The following FGF12 variants were observed in gnomAD, a reference collection of about 807,000 sequenced individuals.
FGF12 encodes the protein fibroblast growth factor 12, also known as fibroblast growth factor 12B.
A neutral mutation model predicts 23.6 loss-of-function variants in FGF12; 14 were observed. The ratio of observed to expected loss-of-function variants is 0.59; its 90% CI spans 0.39 to 0.93. The LOEUF is 0.93. Ranked by LOEUF, FGF12 falls within the 40% of genes least tolerant of loss-of-function variation. The probability of loss-of-function intolerance (pLI) is 0.00; values close to 1 mark genes in which losing one functional copy is unlikely to be tolerated. For missense variants in FGF12, 175 were observed against 217.8 expected (o/e 0.80, Z 1.24); for synonymous variants, 62 against 77.3 (o/e 0.80, Z 1.04).
At chr3:192,245,900 A>G (rs1427510809) in intron 4 of FGF12, among the ~76,000 whole-genome samples, 2 of 152,208 alleles carry the variant, frequency 1.3e-5, no homozygotes, top group Non-Finnish European at 2.9e-5. Flanking sequence ...ATGCTAAAAG[A>G]CTGAATAAAT....
chr3:192,654,313 G>A (rs1716317615), intron 2 of FGF12, among the ~76,000 whole-genome samples: 1 of 152,056 alleles, frequency 6.6e-6, no homozygotes, highest in Admixed American at 6.6e-5. Flanking sequence ...GTGTCACACA[G>A]GACAGCAGAA....
chr3:192,331,311 CAAAAAAAAA>C (rs201997868), intron 4 of FGF12, among the ~76,000 whole-genome samples: 13,515 of 96,172 alleles, frequency 0.14, 1,089 homozygotes, highest in African/African-American at 0.27. Context: ...GGAGTTTTCT[CAAAAAAAAA>C]AAAAAAAAAA....
intron 2 of FGF12, among the ~76,000 whole-genome samples, chr3:192,430,087 C>T (rs929039426): frequency 3.9e-5 from 6 of 152,008 alleles, no homozygotes; most frequent in Non-Finnish European, 8.8e-5. Context: ...ATGTTCATAG[C>T]AGCATATTCA....
chr3:192,290,637 G>C lies in FGF12; in HGVS notation c.228+44724C>G, dbSNP rs115723342. Among the ~76,000 whole-genome samples, 538 of 152,248 alleles carry C rather than the reference G, an allele frequency of 3.5e-3. 1 individual carries two copies. Among genetic ancestry groups the C allele is most frequent in the African/African-American group, 0.013 (532 of 41,546 alleles). ...TTCATTTGCCCAAGTTGTGCTGCTCGTGAGTAGCAGGGATGGGACTTGACC... is the reference window on the plus strand; with the variant it reads ...TTCATTTGCCCAAGTTGTGCTGCTCCTGAGTAGCAGGGATGGGACTTGACC... On this transcript the variant is annotated intron_variant, in intron 4 of 5. Coordinates refer to ENST00000445105, the MANE Select transcript of FGF12 (RefSeq NM_004113.6).
chr3:192,381,832 C>T (rs150976062), intron 2 of FGF12, among the ~76,000 whole-genome samples: 1 of 152,116 alleles, frequency 6.6e-6, no homozygotes, highest in East Asian at 1.9e-4. Context: ...GTTCAGAGAC[C>T]AAGAGTCTGG....
chr3:192,194,418 T>C (rs1659498560), intron 4 of FGF12, among the ~76,000 whole-genome samples: 4 of 152,174 alleles, frequency 2.6e-5, no homozygotes, highest in African/African-American at 9.7e-5. Flanking sequence ...ATTTCTCCAC[T>C]TACAAAATGA....
At chr3:192,407,900 A>T in intron 2 of FGF12, 1 of 1,067,290 alleles carries the variant, frequency 9.4e-7, no homozygotes, top group Non-Finnish European at 1.3e-6. Flanking sequence ...TCTGGAAATG[A>T]GAGAAGAGGG....
chr3:192,727,417 G>C (rs1031758441), intron 1 of FGF12, 67 bp downstream of exon 1: 281 of 1,338,968 alleles, frequency 2.1e-4, no homozygotes, highest in Non-Finnish European at 2.7e-4. Context: ...GGGATACGTT[G>C]CGACGCGCAT....
chr3:192,703,337 C>T (rs1333829610), intron 2 of FGF12, among the ~76,000 whole-genome samples: 1 of 152,162 alleles, frequency 6.6e-6, no homozygotes, highest in African/African-American at 2.4e-5. Flanking sequence ...AAATAATGTA[C>T]ACACCTTAAT....
chr3:192,699,745 T>C (rs1297320608), intron 2 of FGF12, among the ~76,000 whole-genome samples: 1 of 152,178 alleles, frequency 6.6e-6, no homozygotes. Context: ...ACTCAGTAAG[T>C]ATTCAGAAGT....
intron 2 of FGF12, among the ~76,000 whole-genome samples, chr3:192,636,053 C>T (rs150326615): frequency 6.6e-6 from 1 of 152,298 alleles, no homozygotes; most frequent in Non-Finnish European, 1.5e-5. Flanking sequence ...GAGACTGAGA[C>T]AGGGAGCTGG....
chr3:192,387,171 A>G (rs1720081391), intron 2 of FGF12, among the ~76,000 whole-genome samples: 2 of 152,188 alleles, frequency 1.3e-5, no homozygotes, highest in African/African-American at 4.8e-5. Context: ...GTGAATCACA[A>G]TGTTCCCTGG....
At chr3:192,157,719 A>C (rs1030876871) in intron 5 of FGF12, among the ~76,000 whole-genome samples, 1 of 152,218 alleles carries the variant, frequency 6.6e-6, no homozygotes, top group Non-Finnish European at 1.5e-5. Context: ...TCTTAAAAGT[A>C]TGAAAAAAGT....
At chr3:192,707,946 T>TATC (rs1718529816) in intron 2 of FGF12, among the ~76,000 whole-genome samples, 1 of 151,566 alleles carries the variant, frequency 6.6e-6, no homozygotes, top group East Asian at 1.9e-4. Context: ...TAGCATCCAT[T>TATC]ATTATTATTA....
chr3:192,443,015 G>C (rs1403090055), intron 2 of FGF12, among the ~76,000 whole-genome samples: 1 of 152,018 alleles, frequency 6.6e-6, no homozygotes. Flanking sequence ...CACCATCTTG[G>C]CCAGGCTGGT....
At chr3:192,629,160 G>T (rs914848190) in intron 2 of FGF12, among the ~76,000 whole-genome samples, 6 of 152,200 alleles carry the variant, frequency 3.9e-5, no homozygotes, top group African/African-American at 1.4e-4. Context: ...GAAAGACAAA[G>T]AATTAATTTG....
intron 5 of FGF12, among the ~76,000 whole-genome samples, chr3:192,158,332 C>CTTTCTTTT (rs1459698854): frequency 0.013 from 1,505 of 112,432 alleles, 53 homozygotes; most frequent in African/African-American, 0.051. Context: ...TTCTTTCTTT[C>CTTTCTTTT]TCTTTCTTTC....
chr3:192,164,954 T>G (rs1715079622), intron 5 of FGF12, among the ~76,000 whole-genome samples: 1 of 152,102 alleles, frequency 6.6e-6, no homozygotes, highest in Non-Finnish European at 1.5e-5. Context: ...ATTTATTTAT[T>G]TATTCACTTA....
chr3:192,529,138 C>T (rs367573206), intron 2 of FGF12, among the ~76,000 whole-genome samples: 54 of 152,300 alleles, frequency 3.5e-4, no homozygotes, highest in African/African-American at 7.2e-4. Flanking sequence ...CCAACTTTTA[C>T]GCTCTCTTTC....
Sources: gnomAD v4.1 joint callset for allele counts (sites outside exome capture counted in the v4.1 genomes callset) on GRCh38, gnomAD v4.1.1 for gene constraint, MANE v1.5 for transcripts, NCBI Gene and HGNC (gene_info 2026-07-23, HGNC 2026-07-21) for gene names.